Variants in PDZRN3 observed in about 807,000 individuals in gnomAD.
The protein encoded by PDZRN3 is E3 ubiquitin-protein ligase PDZRN3.
PDZRN3 carries 38 observed loss-of-function variants against 85.7 expected under a neutral mutation model. The ratio of observed to expected loss-of-function variants is 0.44; its 90% CI spans 0.34 to 0.58. PDZRN3 has a LOEUF of 0.58. Ranked by LOEUF, PDZRN3 falls within the 20% of genes least tolerant of loss-of-function variation. The pLI, the probability that PDZRN3 is intolerant of heterozygous loss-of-function variation, is 0.01. For missense variants in PDZRN3, 1,629 were observed against 1,506.4 expected, an observed-to-expected ratio of 1.08 and a Z score of -1.35; for synonymous variants, 759 against 638.0, an observed-to-expected ratio of 1.19 and a Z score of -2.86.
chr3:73,544,369 G>C (rs1213377009), intron 3 of PDZRN3, among the ~76,000 whole-genome samples: 1 of 151,884 alleles, frequency 6.6e-6, no homozygotes, highest in Non-Finnish European at 1.5e-5. Context: ...AATGCATTTT[G>C]AACTGTTACG....
intron 5 of PDZRN3, among the ~76,000 whole-genome samples, chr3:73,399,104 T>A (rs1183328349): frequency 6.6e-6 from 1 of 152,100 alleles, no homozygotes; most frequent in Non-Finnish European, 1.5e-5. Flanking sequence ...TTCCATCAGA[T>A]TCTCAAAGGT....
chr3:73,419,703 G>A (rs755946891), intron 3 of PDZRN3, among the ~76,000 whole-genome samples: 3 of 152,082 alleles, frequency 2.0e-5, no homozygotes, highest in Non-Finnish European at 4.4e-5. Context: ...ATTGAAAAAC[G>A]TGTTTTGCAG....
At chr3:73,605,373 G>C (rs1330711801) in intron 2 of PDZRN3, among the ~76,000 whole-genome samples, 1 of 152,104 alleles carries the variant, frequency 6.6e-6, no homozygotes, top group African/African-American at 2.4e-5. Context: ...AAATGAAAGG[G>C]GATTGTTTTC....
chr3:73,460,790 T>G (rs1010716120), intron 3 of PDZRN3, among the ~76,000 whole-genome samples: 2 of 152,092 alleles, frequency 1.3e-5, no homozygotes, highest in South Asian at 4.1e-4. Context: ...GAGATTTGTT[T>G]TTTATTTTTT....
At chr3:73,481,134 G>T (rs1361094350) in intron 3 of PDZRN3, among the ~76,000 whole-genome samples, 1 of 152,148 alleles carries the variant, frequency 6.6e-6, no homozygotes, top group African/African-American at 2.4e-5. Context: ...TATGCATACA[G>T]ACTTCTTGCT....
chr3:73,490,040 A>G (rs911308237), intron 3 of PDZRN3, among the ~76,000 whole-genome samples: 2 of 152,198 alleles, frequency 1.3e-5, no homozygotes, highest in Non-Finnish European at 2.9e-5. Context: ...GAATGTATGG[A>G]TTGACTAAAA....
At chr3:73,481,449 G>T (rs1043391310) in intron 3 of PDZRN3, among the ~76,000 whole-genome samples, 1 of 152,120 alleles carries the variant, frequency 6.6e-6, no homozygotes, top group African/African-American at 2.4e-5. Context: ...TTCTGCCTCA[G>T]CCTCCCAAGT....
At position 73,454,101 on chromosome 3, in the gene PDZRN3, C is replaced by T. The variant is rs1702929986; in HGVS notation, c.919-49706G>A. On this transcript the variant is annotated intron_variant, in intron 3 of 9. Transcript: ENST00000263666. ...CAGCAAGCTATTCCAGCACAAGATT[C>T]CTCATTTTAAGACCAGCTTAAAAAC... Among the ~76,000 whole-genome samples, 3 of 152,144 alleles carry T rather than the reference C, an allele frequency of 2.0e-5. 1 individual carries two copies. In the South Asian group the frequency reaches 6.2e-4, roughly 32 times the overall value.
At chr3:73,538,295 G>A (rs1336609164) in intron 3 of PDZRN3, among the ~76,000 whole-genome samples, 1 of 152,192 alleles carries the variant, frequency 6.6e-6, no homozygotes, top group African/African-American at 2.4e-5. Context: ...CAGAGAACAC[G>A]CATGCACTAC....
At chr3:73,551,508 C>A (rs1159279188) in intron 3 of PDZRN3, among the ~76,000 whole-genome samples, 1 of 151,970 alleles carries the variant, frequency 6.6e-6, no homozygotes, top group Non-Finnish European at 1.5e-5. Flanking sequence ...CACAGTGAGA[C>A]CTCGTCTCTA....
chr3:73,415,469 C>A (rs1234208938), intron 3 of PDZRN3, among the ~76,000 whole-genome samples: 2 of 152,082 alleles, frequency 1.3e-5, no homozygotes, highest in Non-Finnish European at 2.9e-5. Context: ...ATTGTTTATA[C>A]TTAAGATGTA....
intron 3 of PDZRN3, among the ~76,000 whole-genome samples, chr3:73,542,637 G>C (rs1346296945): frequency 6.6e-6 from 1 of 152,044 alleles, no homozygotes; most frequent in African/African-American, 2.4e-5. Context: ...AGCTGGGCGT[G>C]GTGGCAGGCG....
At chr3:73,439,880 A>G (rs1189106917) in intron 3 of PDZRN3, among the ~76,000 whole-genome samples, 2 of 151,926 alleles carry the variant, frequency 1.3e-5, no homozygotes, top group Non-Finnish European at 2.9e-5. Context: ...CTGGGACTAC[A>G]GGCATGCACC....
intron 3 of PDZRN3, among the ~76,000 whole-genome samples, chr3:73,417,044 A>AT (rs1050148061): frequency 6.7e-6 from 1 of 149,872 alleles, no homozygotes; most frequent in Admixed American, 6.6e-5. Flanking sequence ...GGCCCAGCTA[A>AT]TTTTTTTTTG....
intron 3 of PDZRN3, among the ~76,000 whole-genome samples, chr3:73,554,029 C>T (rs1438408679): frequency 2.0e-5 from 3 of 152,154 alleles, no homozygotes; most frequent in African/African-American, 7.2e-5. Flanking sequence ...AAAGTAGAGG[C>T]CCATGAGGCC....
intron 3 of PDZRN3, among the ~76,000 whole-genome samples, chr3:73,562,239 A>G (rs1701833597): frequency 6.6e-6 from 1 of 152,148 alleles, no homozygotes; most frequent in African/African-American, 2.4e-5. Context: ...CCACAGATAA[A>G]AAAAGAGTCA....
At chr3:73,482,188 T>C (rs1253898389) in intron 3 of PDZRN3, among the ~76,000 whole-genome samples, 1 of 152,220 alleles carries the variant, frequency 6.6e-6, no homozygotes, top group Non-Finnish European at 1.5e-5. Context: ...CTTATCAAGT[T>C]TGTTTTTCAC....
intron 3 of PDZRN3, among the ~76,000 whole-genome samples, chr3:73,476,809 G>A (rs1703468439): frequency 1.3e-5 from 2 of 152,150 alleles, no homozygotes; most frequent in African/African-American, 4.8e-5. Flanking sequence ...ACAGCCCTGT[G>A]AGTGAGCCGT....
chr3:73,428,837 TG>T (rs951875042), intron 3 of PDZRN3, among the ~76,000 whole-genome samples: 20 of 151,996 alleles, frequency 1.3e-4, no homozygotes, highest in African/African-American at 4.3e-4. Context: ...AGCCATATGC[TG>T]GCTCCATATT....
Sources: gnomAD v4.1 joint callset for allele counts (sites outside exome capture counted in the v4.1 genomes callset) on GRCh38, gnomAD v4.1.1 for gene constraint, MANE v1.5 for transcripts, NCBI Gene and HGNC (gene_info 2026-07-23, HGNC 2026-07-21) for gene names.